Variants in SMAP2 observed in about 807,000 individuals in gnomAD.
SMAP2 encodes small ArfGAP2.
SMAP2 carries 25 observed loss-of-function variants against 56.4 expected under a neutral mutation model. The observed-to-expected ratio is 0.44, with a 90% CI of 0.32 to 0.62. The LOEUF is 0.62. SMAP2 is among the 20% of genes least tolerant of loss of function. The pLI, the probability that SMAP2 is intolerant of heterozygous loss-of-function variation, is 0.04. For missense variants in SMAP2, 388 were observed against 545.6 expected (o/e 0.71, Z 2.88); for synonymous variants, 157 against 181.7 (o/e 0.86, Z 1.09).
chr1:40,375,126 G>A, intron 1 of SMAP2: 1 of 980,800 alleles, frequency 1.0e-6, no homozygotes, highest in Non-Finnish European at 1.2e-6. Flanking sequence ...GGAAATCTTG[G>A]TTATTAGTGA....
intron 1 of SMAP2, among the ~76,000 whole-genome samples, chr1:40,357,973 G>GT (rs373533182): frequency 0.01 from 1,515 of 146,780 alleles, 12 homozygotes; most frequent in African/African-American, 1.0e-2. Flanking sequence ...AATGTTATTG[G>GT]TTTTTTTTTT....
In SMAP2 at chr1:40,415,339, G is replaced by A; in HGVS notation, c.639G>A (p.Leu213=). The A allele has an allele frequency of 6.2e-7, 1 of 1,613,884 alleles. No individual in the cohort carries two copies. Among genetic ancestry groups the A allele is most frequent in the Non-Finnish European group, 8.5e-7 (1 of 1,179,776 alleles). ...ATACCCTAGAGAAGGATTTAGATCT[G>A]TTGGCCTCTGTTCCATCCCCTTCTT... The part of the protein sequence containing the change: ...TSNTLEKDLD[L]LASVPSPSSS... The change falls in exon 7 of 10, where the codon CTG becomes CTA. Residue 213 remains leucine, a synonymous_variant. Coordinates refer to ENST00000372718, the MANE Select transcript of SMAP2 (RefSeq NM_022733.3).
chr1:40,419,308 T>A (rs1645020172), intron 9 of SMAP2, among the ~76,000 whole-genome samples: 1 of 148,114 alleles, frequency 6.8e-6, no homozygotes, highest in Admixed American at 6.8e-5. Flanking sequence ...TGAGACAAAG[T>A]CTCACTCTGT....
Position 40,408,649 on chromosome 1 carries a change from A to G in SMAP2, c.238-4A>G. The G allele has an allele frequency of 6.2e-7, 1 of 1,611,910 alleles. No individual in the cohort carries two copies. The highest frequency in any genetic ancestry group is 8.5e-7 in the Non-Finnish European group (1 of 1,178,086). ...CCATGTTTCTACATTCTCTTTGGTC[A>G]CAGTGCATGCAAGAGATGGGAAATG... is the stretch of plus-strand genomic sequence containing the variant. On this transcript the variant is annotated splice_polypyrimidine_tract_variant and splice_region_variant and intron_variant, in intron 2 of 9. Coordinates refer to ENST00000372718, the MANE Select transcript of SMAP2 (RefSeq NM_022733.3). The surrounding 1 kb of genome is among the most constrained non-coding windows in gnomAD (Gnocchi z 4.3).
chr1:40,423,132 G>A lies in SMAP2; in HGVS notation c.*1031G>A, dbSNP rs1645059988. ...TCTTTCATGCCTGTGTATCCAGGGT[G>A]CTCTGTTTCCCCACCGTTCCCAGGT... On this transcript the variant is annotated 3_prime_UTR_variant, in exon 10 of 10. Transcript: ENST00000372718. 6.6e-6 allele frequency: 1 copy of A among 152,616 alleles called. No homozygotes were observed. Among genetic ancestry groups the A allele is most frequent in the Admixed American group, 6.5e-5 (1 of 15,282 alleles). 9.5% of individuals were successfully genotyped at this position (152,616 alleles called of 1,614,324 possible).
intron 1 of SMAP2, among the ~76,000 whole-genome samples, chr1:40,387,932 GC>G (rs1644675503): frequency 6.6e-6 from 1 of 152,062 alleles, no homozygotes; most frequent in Admixed American, 6.5e-5. Context: ...GGCTTGGCGG[GC>G]CCCGCACTTG....
chr1:40,396,770 A>G, intron 1 of SMAP2: 3 of 826,530 alleles, frequency 3.6e-6, no homozygotes, highest in Non-Finnish European at 4.4e-6. Context: ...GGATGAAAAC[A>G]TAGAGGTAAA....
At chr1:40,358,959 A>G (rs985887586) in intron 1 of SMAP2, among the ~76,000 whole-genome samples, 1 of 152,202 alleles carries the variant, frequency 6.6e-6, no homozygotes, top group Non-Finnish European at 1.5e-5. Flanking sequence ...TTATCATTAT[A>G]TAATGACCTT....
chr1:40,374,333 G>A lies in SMAP2; in HGVS notation c.103+110G>A, dbSNP rs1190091530. The A allele has an allele frequency of 1.1e-6, 1 of 880,762 alleles. No homozygotes were observed. Among genetic ancestry groups the A allele is most frequent in the Non-Finnish European group, 1.8e-6 (1 of 541,790 alleles). 54.6% of individuals were successfully genotyped at this position (880,762 alleles called of 1,614,324 possible). ...TTAGGCCGCCCAACTCGGCTTATAA[G>A]TGGTAACGCGTGCTGCGCTTGCAGT... On this transcript the variant is annotated intron_variant, in intron 1 of 9. Coordinates refer to ENST00000372718, the MANE Select transcript of SMAP2 (RefSeq NM_022733.3). This position sits in a 1 kb window ranked among gnomAD's most constrained non-coding sequence, Gnocchi z 5.9.
At position 40,421,990 on chromosome 1, in the gene SMAP2, G is replaced by A. The variant is rs377528554; in HGVS notation, c.1179G>A (p.Met393Ile). 7 of 1,614,038 alleles carry A rather than the reference G, an allele frequency of 4.3e-6. No homozygotes were observed. The highest frequency in any genetic ancestry group is 5.1e-6 in the Non-Finnish European group (6 of 1,180,012). The stretch of plus-strand genomic sequence containing the variant: ...CTCCCTTTCAGATGACCCAGCAGAT[G>A]GCTGGGATGAACTTCTATGGAGCCA... ...QWNLTQMTQQ[M>I]AGMNFYGANG... is the part of the protein sequence containing the mutation. The change falls in exon 10 of 10, where the codon ATG (methionine) becomes ATA (isoleucine). Residue 393 changes from methionine to isoleucine, a missense_variant. By Grantham distance (10) the Met-to-Ile change is conservative (BLOSUM62 1). Transcript: ENST00000372718.
intron 2 of SMAP2, chr1:40,365,091 C>A: frequency 4.5e-6 from 1 of 220,088 alleles, no homozygotes; most frequent in South Asian, 8.1e-5. Flanking sequence ...ACCTGGCTGT[C>A]AACTTCCTAG....
At chr1:40,393,263 C>A in intron 1 of SMAP2, 1 of 1,428,422 alleles carries the variant, frequency 7.0e-7, no homozygotes, top group South Asian at 1.4e-5. Context: ...GAGATTGAGG[C>A]TGCACTGCAC....
At chr1:40,356,843 G>GCC (rs1644438661) in intron 1 of SMAP2, among the ~76,000 whole-genome samples, 1 of 152,020 alleles carries the variant, frequency 6.6e-6, no homozygotes, top group African/African-American at 2.4e-5. Flanking sequence ...CCTGTCTTTT[G>GCC]GATAAAAGCC....
Position 40,422,200 on chromosome 1 carries a change from T to A in SMAP2, c.*99T>A. 2.0e-6 allele frequency: 3 copies of A among 1,505,606 alleles called. No homozygotes were observed. Among genetic ancestry groups the A allele is most frequent in the Non-Finnish European group, 2.7e-6 (3 of 1,119,362 alleles). 93.3% of individuals were successfully genotyped at this position (1,505,606 alleles called of 1,614,324 possible). ...CCCATCCTCTTTTCCTACCTCTCTGTTTGGTTTAGAAATTGCTCAATAAGT... is the reference window on the plus strand; with the variant it reads ...CCCATCCTCTTTTCCTACCTCTCTGATTGGTTTAGAAATTGCTCAATAAGT... On this transcript the variant is annotated 3_prime_UTR_variant, in exon 10 of 10. Transcript: ENST00000372718.
chr1:40,393,635 T>C, intron 1 of SMAP2: 1 of 780,456 alleles, frequency 1.3e-6, no homozygotes, highest in South Asian at 1.8e-5. Flanking sequence ...AACCTCCACC[T>C]CCCAGGTTCA....
Position 40,386,536 on chromosome 1 carries a change from C to A in SMAP2, c.103+12313C>A, listed in dbSNP as rs1046918422. On this transcript the variant is annotated intron_variant, in intron 1 of 9. Coordinates refer to ENST00000372718, the MANE Select transcript of SMAP2 (RefSeq NM_022733.3). The surrounding 1 kb of genome is among the most constrained non-coding windows in gnomAD (Gnocchi z 4.1). ...CTGAGCCTAGTCTCGACAGAAGTAG[C>A]CTGACACAAGTGGCTCAGATCAAGG... 3.3e-5 allele frequency among the ~76,000 whole-genome samples: 5 copies of A among 152,164 alleles called. No individual in the cohort carries two copies. The highest frequency in any genetic ancestry group is 9.7e-5 in the African/African-American group (4 of 41,432).
chr1:40,415,202 T>C, intron 6 of SMAP2, 70 bp from the exon 7 acceptor site: 1 of 1,211,640 alleles, frequency 8.3e-7, no homozygotes, highest in Admixed American at 1.9e-5. Flanking sequence ...CTTTGCTTTT[T>C]GTCTAGAATA....
At chr1:40,389,825 T>C (rs1644697861) in intron 1 of SMAP2, among the ~76,000 whole-genome samples, 1 of 152,192 alleles carries the variant, frequency 6.6e-6, no homozygotes, top group African/African-American at 2.4e-5. Context: ...GCAGCAGTTT[T>C]AGAAACTCCT....
At chr1:40,398,499 G>T (rs2124304063) in intron 1 of SMAP2, among the ~76,000 whole-genome samples, 1 of 152,214 alleles carries the variant, frequency 6.6e-6, no homozygotes, top group African/African-American at 2.4e-5. Flanking sequence ...TGAAATAGAG[G>T]CTCCAAAATT....
Sources: allele counts gnomAD v4.1 joint callset (sites outside exome capture counted in the v4.1 genomes callset), GRCh38; gene constraint gnomAD v4.1.1; non-coding constraint Gnocchi (gnomAD v3.1); transcripts MANE v1.5; gene names NCBI Gene and HGNC (gene_info 2026-07-23, HGNC 2026-07-21).